The following RNASEH1 variants were observed in gnomAD, a reference collection of about 807,000 sequenced individuals.
The protein encoded by RNASEH1 is ribonuclease H1.
A neutral mutation model predicts 34.6 loss-of-function variants in RNASEH1; 27 were observed. That is an observed-to-expected ratio of 0.78 (90% CI 0.58 to 1.08). RNASEH1 has a LOEUF of 1.08. Among genes scored for constraint, RNASEH1 ranks in the 50% least tolerant of loss-of-function variants. The pLI is 0.00. For synonymous variants in RNASEH1, 162 were observed against 138.4 expected, an observed-to-expected ratio of 1.17 and a Z score of -1.20; for missense variants, 349 against 373.6, an observed-to-expected ratio of 0.93 and a Z score of 0.54.
At chr2:3,532,944 C>G in the RNASEH1 span, among the ~76,000 whole-genome samples, 1 of 152,210 alleles carries the variant, frequency 6.6e-6, no homozygotes, top group Non-Finnish European at 1.5e-5. Flanking sequence ...AGCTGCTCAC[C>G]CTTCGGGCAG....
chr2:3,550,854 T>C (rs1659803136), intron 3 of RNASEH1, among the ~76,000 whole-genome samples: 4 of 152,224 alleles, frequency 2.6e-5, no homozygotes, highest in Admixed American at 1.3e-4. Flanking sequence ...CGCCTCAGCA[T>C]GACGGTGACC....
intron 7 of RNASEH1, among the ~76,000 whole-genome samples, chr2:3,546,305 A>G (rs890143991): frequency 6.6e-6 from 1 of 152,250 alleles, no homozygotes; most frequent in African/African-American, 2.4e-5. Flanking sequence ...TCAGGCTACC[A>G]AACTATTATC....
At position 3,549,124 on chromosome 2, in the gene RNASEH1, C is replaced by T; in HGVS notation, c.510-12G>A. 6.2e-7 allele frequency: 1 copy of T among 1,606,736 alleles called. No homozygotes were observed. Among genetic ancestry groups the T allele is most frequent in the East Asian group, 2.2e-5 (1 of 44,836 alleles). ...TAATGCCTACATTTCTGTTTCAAAA[C>T]AGTACAAAAGAAAATAAAAGTATAA... On this transcript the variant is annotated splice_polypyrimidine_tract_variant and intron_variant, in intron 4 of 7. Transcript: ENST00000315212.
At chr2:3,547,263 G>A (rs1018430142) in intron 7 of RNASEH1, among the ~76,000 whole-genome samples, 14 of 152,032 alleles carry the variant, frequency 9.2e-5, no homozygotes, top group Admixed American at 7.9e-4. Flanking sequence ...CTGCAACCTC[G>A]ACCTCCCCAG....
chr2:3,551,135 T>G (rs565810429), intron 3 of RNASEH1, among the ~76,000 whole-genome samples: 61 of 152,188 alleles, frequency 4.0e-4, no homozygotes, highest in African/African-American at 1.4e-3. Context: ...CAAATAGAGG[T>G]GGTACGCGCA....
intron 2 of RNASEH1, 45 bp from the exon 3 acceptor site, chr2:3,552,353 AC>A (rs779889523): frequency 1.3e-6 from 2 of 1,564,842 alleles, no homozygotes; most frequent in Non-Finnish European, 1.7e-6. Context: ...AATGAACATA[AC>A]ACGAAATGCT....
downstream of RNASEH1, chr2:3,536,704 T>C (rs1378061177): frequency 1.3e-5 from 2 of 152,284 alleles, no homozygotes; most frequent in African/African-American, 2.4e-5. Context: ...TTTTTTTCTT[T>C]ACCAAGCATC....
In RNASEH1 at chr2:3,545,888, T is replaced by C. The variant is rs938724322; in HGVS notation, c.775-17A>G. The C allele has an allele frequency of 3.2e-6, 5 of 1,573,014 alleles. No individual in the cohort carries two copies. The highest frequency in any genetic ancestry group is 3.5e-6 in the Non-Finnish European group (4 of 1,142,590). The stretch of plus-strand genomic sequence containing the variant: ...AACATGCATCTGTTAAGATAAATGT[T>C]TTCCTTTTATTTTTACTCATCTTTA... On this transcript the variant is annotated splice_polypyrimidine_tract_variant and intron_variant, in intron 7 of 7. Transcript: ENST00000315212.
At chr2:3,555,639 A>G (rs1660416724) in intron 2 of RNASEH1, among the ~76,000 whole-genome samples, 1 of 152,230 alleles carries the variant, frequency 6.6e-6, no homozygotes, top group African/African-American at 2.4e-5. Context: ...AGATAAGGTA[A>G]TTAAAACTAT....
chr2:3,550,129 T>A (rs1265124592), intron 4 of RNASEH1: 2 of 421,966 alleles, frequency 4.7e-6, no homozygotes, highest in Non-Finnish European at 8.3e-6. Flanking sequence ...GGCAACAGTG[T>A]GAGACCGTGT....
chr2:3,535,017 C>T, the RNASEH1 span, among the ~76,000 whole-genome samples: 11 of 152,282 alleles, frequency 7.2e-5, no homozygotes, highest in African/African-American at 9.6e-5. Context: ...GTGTCCAACA[C>T]GAACAGAGCT....
intron 2 of RNASEH1, among the ~76,000 whole-genome samples, chr2:3,553,040 G>C (rs1660134109): frequency 6.6e-6 from 1 of 152,052 alleles, no homozygotes. Context: ...TTGAGCTCAG[G>C]AGTTCAAGAC....
At chr2:3,552,650 C>T (rs964128721) in intron 2 of RNASEH1, among the ~76,000 whole-genome samples, 4 of 150,078 alleles carry the variant, frequency 2.7e-5, no homozygotes, top group African/African-American at 9.8e-5. Flanking sequence ...CCCTCCACAG[C>T]ATCTCAAGGG....
chr2:3,558,150 G>T lies in RNASEH1; in HGVS notation c.111C>A (p.Thr37=). The T allele has an allele frequency of 6.2e-7, 1 of 1,600,974 alleles. No homozygotes were observed. Among genetic ancestry groups the T allele is most frequent in the Non-Finnish European group, 8.5e-7 (1 of 1,175,544 alleles). ...MFYAVRRGRK[T]GVFLTWNECR... ...CCACTCACCAGGTCAGAAAGACCCC[G>T]GTCTTGCGGCCCCTCCTCACGGCAT... Residue 37 remains threonine (T), a synonymous_variant, in exon 1 of 8, where the codon ACC becomes ACA. Transcript: ENST00000315212.
chr2:3,536,268 C>T, the RNASEH1 span, among the ~76,000 whole-genome samples: 7 of 152,324 alleles, frequency 4.6e-5, no homozygotes, highest in Admixed American at 1.3e-4. Flanking sequence ...CAGGGAAGAA[C>T]GGTCGGCCTA....
intron 2 of RNASEH1, among the ~76,000 whole-genome samples, chr2:3,554,946 T>C (rs1280690891): frequency 6.6e-6 from 1 of 152,154 alleles, no homozygotes; most frequent in Non-Finnish European, 1.5e-5. Flanking sequence ...ATCCCCATAG[T>C]GGTATCGTAT....
chr2:3,558,209 A>C lies in RNASEH1; in HGVS notation c.52T>G (p.Cys18Gly). 1.2e-6 allele frequency: 2 copies of C among 1,600,886 alleles called. No homozygotes were observed. ...CCGAACCCGCGAGAGCCGCGGCGGC[A>C]GGGCAAGGCGGCCAAGGCGACTCTG... The part of the protein sequence containing the change: ...AHRVALAALP[C>G]RRGSRGFGMF... Residue 18 changes from cysteine (C) to glycine (G), a missense_variant, in exon 1 of 8, where the codon TGC becomes GGC. Around this residue, in one of 2 missense-constraint regions of RNASEH1, gnomAD observed 256 missense variants for 240.7 expected, o/e 1.06. Transcript: ENST00000315212.
downstream of RNASEH1, among the ~76,000 whole-genome samples, chr2:3,540,123 T>A (rs140270504): frequency 3.7e-3 from 567 of 152,268 alleles, 9 homozygotes; most frequent in African/African-American, 0.013. Context: ...GGCACGAACA[T>A]CCTATTAAAG....
rs751050855 is a variant in RNASEH1, at chr2:3,544,515, A to G, written c.*1270T>C. Among the ~76,000 whole-genome samples the G allele has an allele frequency of 1.3e-5, 2 of 152,142 alleles. No homozygotes were observed. The highest frequency in any genetic ancestry group is 2.9e-5 in the Non-Finnish European group (2 of 68,026). On this transcript the variant is annotated 3_prime_UTR_variant, in exon 8 of 8. Transcript: ENST00000315212. ...ACTAAACTGCCATCAAAAAACCAAG[A>G]AAGTCATTTCTGTAAAAGTCAGGAT...
Sources: gnomAD v4.1 joint callset for allele counts (sites outside exome capture counted in the v4.1 genomes callset) on GRCh38, gnomAD v4.1.1 for gene constraint, gnomAD v4.1.1 regional missense constraint, MANE v1.5 for transcripts, NCBI Gene and HGNC (gene_info 2026-07-23, HGNC 2026-07-21) for gene names.